The following PAPPA2 variants were observed in gnomAD, a reference collection of about 807,000 sequenced individuals.
PAPPA2 encodes the protein pappalysin-2.
In PAPPA2, 86 loss-of-function variants were observed where a neutral mutation model predicts 176.4. The ratio of observed to expected loss-of-function variants is 0.49; its 90% CI spans 0.41 to 0.58. The LOEUF (loss-of-function observed/expected upper bound fraction) is 0.58. Among genes scored for constraint, PAPPA2 ranks in the 20% least tolerant of loss-of-function variants. PAPPA2 has a pLI of 0.00. For missense variants in PAPPA2, 2,073 were observed against 2,256.9 expected (o/e 0.92, Z 1.65); for synonymous variants, 809 against 852.2 (o/e 0.95, Z 0.88).
chr1:176,704,389 A>G (rs941228608), intron 9 of PAPPA2, among the ~76,000 whole-genome samples: 3 of 152,196 alleles, frequency 2.0e-5, no homozygotes, highest in Non-Finnish European at 4.4e-5. Context: ...ATCCATACCA[A>G]TCATTTGATC....
intron 8 of PAPPA2, among the ~76,000 whole-genome samples, chr1:176,701,495 G>A (rs945246168): frequency 2.0e-5 from 3 of 152,074 alleles, no homozygotes; most frequent in African/African-American, 4.8e-5. Context: ...GGGGATGTGG[G>A]GGTAACTAAT....
chr1:176,568,055 A>C (rs1237104000), intron 2 of PAPPA2, among the ~76,000 whole-genome samples: 1 of 152,194 alleles, frequency 6.6e-6, no homozygotes, highest in Non-Finnish European at 1.5e-5. Context: ...AGTGAAGACA[A>C]GGATTGCACT....
At chr1:176,754,433 A>T (rs1224760456) in intron 14 of PAPPA2, among the ~76,000 whole-genome samples, 1 of 152,242 alleles carries the variant, frequency 6.6e-6, no homozygotes, top group Non-Finnish European at 1.5e-5. Flanking sequence ...TAGAAGTAAA[A>T]GTGTTTTAAG....
chr1:176,802,538 C>A (rs527886785), intron 21 of PAPPA2, among the ~76,000 whole-genome samples: 1 of 152,166 alleles, frequency 6.6e-6, no homozygotes, highest in African/African-American at 2.4e-5. Context: ...AAAGCCAAGC[C>A]GGCCAGGTAG....
chr1:176,593,766 A>T (rs1285692298), intron 2 of PAPPA2, among the ~76,000 whole-genome samples: 1 of 152,168 alleles, frequency 6.6e-6, no homozygotes, highest in Non-Finnish European at 1.5e-5. Flanking sequence ...GTATGATAAG[A>T]CCTTTACTAA....
intron 1 of PAPPA2, among the ~76,000 whole-genome samples, chr1:176,513,716 C>A (rs1335105579): frequency 6.6e-6 from 1 of 152,072 alleles, no homozygotes; most frequent in East Asian, 1.9e-4. Flanking sequence ...CTGTTTCTTA[C>A]AATTATTCCC....
chr1:176,818,161 C>T (rs976314453), intron 21 of PAPPA2, among the ~76,000 whole-genome samples: 2 of 152,080 alleles, frequency 1.3e-5, no homozygotes, highest in African/African-American at 4.8e-5. Flanking sequence ...AGTGAGATGG[C>T]AGTAACTTGA....
chr1:176,798,550 A>G (rs1253674617), intron 20 of PAPPA2, among the ~76,000 whole-genome samples: 1 of 152,230 alleles, frequency 6.6e-6, no homozygotes, highest in Non-Finnish European at 1.5e-5. Context: ...AAAGTAGTAC[A>G]AACCATTGAT....
chr1:176,650,485 T>C (rs1380319175), intron 3 of PAPPA2, among the ~76,000 whole-genome samples: 1 of 151,616 alleles, frequency 6.6e-6, no homozygotes, highest in Non-Finnish European at 1.5e-5. Flanking sequence ...TGTATACATG[T>C]GCCATGTTGG....
intron 1 of PAPPA2, among the ~76,000 whole-genome samples, chr1:176,472,108 T>C (rs960017514): frequency 8.5e-5 from 13 of 152,228 alleles, no homozygotes; most frequent in African/African-American, 3.1e-4. Context: ...ACTTATTTGT[T>C]GGAATATTTT....
chr1:176,721,362 A>G (rs1661607843), intron 12 of PAPPA2, among the ~76,000 whole-genome samples: 1 of 152,112 alleles, frequency 6.6e-6, no homozygotes, highest in African/African-American at 2.4e-5. Flanking sequence ...CCTAATATTT[A>G]CCCTCTCCAG....
Position 176,605,869 on chromosome 1 carries a change from T to G in PAPPA2, c.1991+10274T>G, listed in dbSNP as rs746842938. On this transcript the variant is annotated intron_variant, in intron 3 of 22. Coordinates refer to ENST00000367662, the MANE Select transcript of PAPPA2 (RefSeq NM_020318.3). ...GTTTTTCATCTTTACTACTTGAGGATGAAGCTTCTGACATGTTTAATTCTG... is the reference window on the plus strand; with the variant it reads ...GTTTTTCATCTTTACTACTTGAGGAGGAAGCTTCTGACATGTTTAATTCTG... Among the ~76,000 whole-genome samples the G allele has an allele frequency of 2.0e-5, 3 of 152,180 alleles. No individual in the cohort carries two copies. The South Asian group carries it at 6.2e-4, about 32-fold the overall frequency.
intron 2 of PAPPA2, among the ~76,000 whole-genome samples, chr1:176,573,399 C>G (rs2102616882): frequency 6.6e-6 from 1 of 152,268 alleles, no homozygotes; most frequent in African/African-American, 2.4e-5. Flanking sequence ...ATTATGGAAA[C>G]TGCAGCCGGT....
intron 21 of PAPPA2, among the ~76,000 whole-genome samples, chr1:176,826,724 G>A (rs1666875225): frequency 6.6e-6 from 1 of 152,240 alleles, no homozygotes; most frequent in Non-Finnish European, 1.5e-5. Context: ...CAGGTCAACT[G>A]GACCTGGATA....
At chr1:176,770,766 A>C (rs1398508096) in intron 16 of PAPPA2, among the ~76,000 whole-genome samples, 2 of 152,200 alleles carry the variant, frequency 1.3e-5, no homozygotes, top group Non-Finnish European at 2.9e-5. Flanking sequence ...TGTTTTATGT[A>C]AGAGCATCAC....
At chr1:176,772,528 C>T (rs1664276156) in intron 17 of PAPPA2, among the ~76,000 whole-genome samples, 1 of 152,130 alleles carries the variant, frequency 6.6e-6, no homozygotes, top group South Asian at 2.1e-4. Flanking sequence ...CTCCCAGGGC[C>T]TTCCACTCTA....
chr1:176,690,286 C>G lies in PAPPA2; in HGVS notation c.2287C>G (p.Pro763Ala). The G allele has an allele frequency of 6.2e-7, 1 of 1,614,114 alleles. No homozygotes were observed. Among genetic ancestry groups the G allele is most frequent in the Non-Finnish European group, 8.5e-7 (1 of 1,180,010 alleles). ...SCNDPCKETVPSMETGDLCAD... is the reference protein window; with the variant it reads ...SCNDPCKETVASMETGDLCAD... ...CAATGACCCCTGCAAGGAGACAGTG[C>G]CATCCATGGAAACGGGAGACCTCTG... The change falls in exon 5 of 23, where the codon CCA (proline) becomes GCA (alanine). Residue 763 changes from proline to alanine, a missense_variant. Physicochemically the swap from Pro to Ala is conservative, Grantham distance 27. This residue lies in a region of PAPPA2 where 1,196 missense variants were observed against 1,330.4 expected (regional missense o/e 0.90). Transcript: ENST00000367662.
intron 4 of PAPPA2, among the ~76,000 whole-genome samples, chr1:176,681,112 T>C (rs1236471079): frequency 6.6e-6 from 1 of 151,954 alleles, no homozygotes. Flanking sequence ...AGGGGGTGTA[T>C]TGGAAACCAA....
At chr1:176,702,481 C>A in intron 8 of PAPPA2, 126 bp from the exon 9 acceptor site, 1 of 1,341,154 alleles carries the variant, frequency 7.5e-7, no homozygotes, top group Non-Finnish European at 1.0e-6. Flanking sequence ...TTAGACAATG[C>A]AGCGTATGTT....
Sources: allele counts gnomAD v4.1 joint callset (sites outside exome capture counted in the v4.1 genomes callset), GRCh38; gene constraint gnomAD v4.1.1; regional missense constraint gnomAD v4.1.1; transcripts MANE v1.5; gene names NCBI Gene and HGNC (gene_info 2026-07-23, HGNC 2026-07-21).